VMP1: variants seen among roughly 807,000 people sequenced by gnomAD.
The protein encoded by VMP1 is vacuole membrane protein 1.
A neutral mutation model predicts 56.0 loss-of-function variants in VMP1; 11 were observed. The observed-to-expected ratio is 0.20, with a 90% confidence interval of 0.12 to 0.32. The LOEUF (loss-of-function observed/expected upper bound fraction) is 0.32. VMP1 is among the 10% of genes least tolerant of loss of function. The pLI, the probability that VMP1 is intolerant of heterozygous loss-of-function variation, is 1.00. For synonymous variants in VMP1, 149 were observed against 165.0 expected (o/e 0.90, Z 0.74); for missense variants, 296 against 490.3 (o/e 0.60, Z 3.74).
At chr17:59,747,174 G>C (rs1453114294) in intron 5 of VMP1, among the ~76,000 whole-genome samples, 2 of 152,144 alleles carry the variant, frequency 1.3e-5, no homozygotes, top group African/African-American at 4.8e-5. Flanking sequence ...TTATTTACTT[G>C]TATTCATGCC....
rs1253856156 is a variant in VMP1, at chr17:59,735,327, T to C, written c.77-11T>C. 25 of 1,613,642 alleles carry C rather than the reference T, an allele frequency of 1.5e-5. No individual in the cohort carries two copies. The highest frequency in any genetic ancestry group is 2.1e-5 in the Non-Finnish European group (25 of 1,179,792). Reference sequence around the variant, plus strand: ...AAATTCTGTTTTAATCTCTGCACTATTGTTTTTCAGACCCCTCTTCAGTGA... The same window carrying C: ...AAATTCTGTTTTAATCTCTGCACTACTGTTTTTCAGACCCCTCTTCAGTGA... On this transcript the variant is annotated splice_polypyrimidine_tract_variant and intron_variant, in intron 2 of 11. Transcript: ENST00000262291.
intron 5 of VMP1, among the ~76,000 whole-genome samples, chr17:59,746,382 G>A (rs966363392): frequency 2.0e-5 from 3 of 152,168 alleles, no homozygotes; most frequent in Admixed American, 1.3e-4. Context: ...ATGTTGGCCA[G>A]GCTGGTCTTG....
intron 1 of VMP1, among the ~76,000 whole-genome samples, chr17:59,723,612 G>A (rs1598292541): frequency 6.6e-6 from 1 of 152,180 alleles, no homozygotes; most frequent in Non-Finnish European, 1.5e-5. Context: ...AGTGGAGCCT[G>A]TATATGTCGG....
At chr17:59,768,244 A>G (rs927274952) in intron 6 of VMP1, among the ~76,000 whole-genome samples, 15 of 152,152 alleles carry the variant, frequency 9.9e-5, no homozygotes, top group Admixed American at 9.8e-4. Context: ...AAAATACAGC[A>G]CACACTAAGT....
intron 10 of VMP1, among the ~76,000 whole-genome samples, chr17:59,821,887 G>A (rs1415320412): frequency 6.6e-6 from 1 of 150,636 alleles, no homozygotes; most frequent in Non-Finnish European, 1.5e-5. Flanking sequence ...TTGTCGCCCA[G>A]GCTGGGGTAC....
chr17:59,803,158 C>A (rs1324363395), intron 7 of VMP1, among the ~76,000 whole-genome samples: 2 of 152,214 alleles, frequency 1.3e-5, no homozygotes, highest in Non-Finnish European at 2.9e-5. Context: ...ATGTTGACAT[C>A]ATTAGATTCA....
intron 6 of VMP1, among the ~76,000 whole-genome samples, chr17:59,772,590 G>A (rs994051021): frequency 4.1e-4 from 62 of 151,752 alleles, no homozygotes; most frequent in Middle Eastern, 6.8e-3. Context: ...CCAACATAGT[G>A]AAACTCTGAC....
At chr17:59,713,265 G>T (rs1479844744) in intron 1 of VMP1, among the ~76,000 whole-genome samples, 1 of 151,796 alleles carries the variant, frequency 6.6e-6, no homozygotes, top group African/African-American at 2.4e-5. Flanking sequence ...TTGGGGGAAG[G>T]AGGGAGGGAT....
chr17:59,737,365 C>G (rs1433149416), intron 3 of VMP1, 88 bp from the exon 4 acceptor site: 1 of 1,356,990 alleles, frequency 7.4e-7, no homozygotes, highest in African/African-American at 1.5e-5. Context: ...GCTAGGTAAC[C>G]TAACTGTTTC....
chr17:59,734,089 T>G lies in VMP1; in HGVS notation c.77-1249T>G, dbSNP rs140859243. On this transcript the variant is annotated intron_variant, in intron 2 of 11. Transcript: ENST00000262291. ...TTATTTCAGTAATTTTCCCAAAATC[T>G]ATAGCTCTATCCCAAATTCAACTGC... Among the ~76,000 whole-genome samples, 4 of 152,328 alleles carry G rather than the reference T, an allele frequency of 2.6e-5. No individual in the cohort carries two copies. In the East Asian group the frequency reaches 7.7e-4, roughly 29 times the overall value.
chr17:59,825,683 C>T (rs540366822), intron 10 of VMP1, among the ~76,000 whole-genome samples: 2 of 152,168 alleles, frequency 1.3e-5, no homozygotes, highest in Non-Finnish European at 2.9e-5. Context: ...AATCATTGAA[C>T]TTGAGGGCTG....
intron 10 of VMP1, among the ~76,000 whole-genome samples, chr17:59,819,109 G>A (rs1214979895): frequency 6.6e-6 from 1 of 152,118 alleles, no homozygotes; most frequent in Non-Finnish European, 1.5e-5. Flanking sequence ...ATTGTACTCA[G>A]TGGAGCCAGT....
At chr17:59,782,517 T>G (rs2036859939) in intron 7 of VMP1, among the ~76,000 whole-genome samples, 1 of 152,208 alleles carries the variant, frequency 6.6e-6, no homozygotes, top group African/African-American at 2.4e-5. Flanking sequence ...TCACATCTTA[T>G]TGGTTATGAT....
rs2039101527 is a variant in VMP1, at chr17:59,839,786, T to C, written c.1096T>C (p.Trp366Arg). ...GTPQGENWLS[W>R]MFEKLVVVMV... ...TCTACAGGGAGAAAACTGGTTGTCC[T>C]GGATGTTTGAAAAGTTGGTCGTTGT... Residue 366 changes from tryptophan to arginine, a missense_variant, in exon 12 of 12, where the codon TGG (tryptophan) becomes CGG (arginine). This residue lies in a region of VMP1 where 95 missense variants were observed against 137.6 expected (regional missense o/e 0.69). Transcript: ENST00000262291. 4.3e-6 allele frequency: 7 copies of C among 1,612,688 alleles called. No homozygotes were observed. The highest frequency in any genetic ancestry group is 5.9e-6 in the Non-Finnish European group (7 of 1,179,754).
chr17:59,789,396 G>A (rs2037136685), intron 7 of VMP1, among the ~76,000 whole-genome samples: 1 of 151,998 alleles, frequency 6.6e-6, no homozygotes, highest in Non-Finnish European at 1.5e-5. Context: ...TTAGCCCGGC[G>A]TGGTGGCTCG....
In VMP1 at chr17:59,802,423, A is replaced by C. The variant is rs374108986; in HGVS notation, c.715-6373A>C. On this transcript the variant is annotated intron_variant, in intron 7 of 11. Coordinates refer to ENST00000262291, the MANE Select transcript of VMP1 (RefSeq NM_030938.5). Reference sequence around the variant, plus strand: ...TGTTCACACGACAATGAAATCGCCTAACAACTCATTTCTCAGAATATATGC... The same window carrying C: ...TGTTCACACGACAATGAAATCGCCTCACAACTCATTTCTCAGAATATATGC... 5.9e-5 allele frequency among the ~76,000 whole-genome samples: 9 copies of C among 152,062 alleles called. No homozygotes were observed. The South Asian group carries it at 1.2e-3, about 21-fold the overall frequency.
chr17:59,737,553 C>A lies in VMP1; in HGVS notation c.303+10C>A. On this transcript the variant is annotated intron_variant, in intron 4 of 11. Transcript: ENST00000262291. ...AGGAGTGCATCAACAGGTGAGAGGT[C>A]GAGCAATTCTGTTTCTAGTCTTGCA... The A allele has an allele frequency of 1.3e-6, 2 of 1,595,354 alleles. No individual in the cohort carries two copies. Among genetic ancestry groups the A allele is most frequent in the Middle Eastern group, 1.7e-4 (1 of 5,994 alleles).
chr17:59,760,903 G>A (rs1047195721), intron 5 of VMP1, among the ~76,000 whole-genome samples: 1 of 151,710 alleles, frequency 6.6e-6, no homozygotes, highest in Non-Finnish European at 1.5e-5. Context: ...ACAGGCGTGA[G>A]CCACCATGCC....
chr17:59,773,615 T>C lies in VMP1; in HGVS notation c.583-139T>C, dbSNP rs376254430. ...GCCAGGATTCAAACTTTTATTATTT[T>C]GATTATGTAGCATATGCTTTCCCCC... is the stretch of plus-strand genomic sequence containing the variant. On this transcript the variant is annotated intron_variant, in intron 6 of 11. Transcript: ENST00000262291. The C allele has an allele frequency of 4.5e-5, 34 of 756,830 alleles. No individual in the cohort carries two copies. In the African/African-American group the frequency reaches 6.1e-4, roughly 14 times the overall value. 46.9% of individuals were successfully genotyped at this position (756,830 alleles called of 1,614,324 possible).
Sources: gnomAD v4.1 joint callset for allele counts (sites outside exome capture counted in the v4.1 genomes callset) on GRCh38, gnomAD v4.1.1 for gene constraint, gnomAD v4.1.1 regional missense constraint, MANE v1.5 for transcripts, NCBI Gene and HGNC (gene_info 2026-07-23, HGNC 2026-07-21) for gene names.